DUSP16: variants seen among roughly 807,000 people sequenced by gnomAD.
DUSP16 encodes dual specificity protein phosphatase 16.
Under a neutral mutation model 58.3 loss-of-function variants are expected in DUSP16, and 21 were observed. The ratio of observed to expected loss-of-function variants is 0.36; its 90% CI spans 0.26 to 0.52. The LOEUF (loss-of-function observed/expected upper bound fraction) is 0.52, where lower values mean the gene tolerates loss of function less well. Among genes scored for constraint, DUSP16 ranks in the 20% least tolerant of loss-of-function variants. The pLI is 0.94. For missense variants in DUSP16, 726 were observed against 819.0 expected (o/e 0.89, Z 1.39); for synonymous variants, 320 against 323.8 (o/e 0.99, Z 0.12).
intron 1 of DUSP16, among the ~76,000 whole-genome samples, chr12:12,549,385 C>T (rs1413796274): frequency 1.3e-5 from 2 of 152,166 alleles, no homozygotes; most frequent in Admixed American, 6.5e-5. Flanking sequence ...CTTCCCTAGT[C>T]CCATTCTTCC....
chr12:12,562,392 C>T lies in DUSP16; in HGVS notation c.-641G>A, dbSNP rs1451320707. On this transcript the variant is annotated 5_prime_UTR_variant, in exon 1 of 7. Coordinates refer to ENST00000298573, the MANE Select transcript of DUSP16 (RefSeq NM_030640.3). ...TTCACTCTTTCTCTTCCACCCTCCC[C>T]CCCATCAGCCTTCAAAAAAAATGTC... 2 of 151,682 alleles carry T rather than the reference C, an allele frequency of 1.3e-5. No individual in the cohort carries two copies. The highest frequency in any genetic ancestry group is 2.9e-5 in the Non-Finnish European group (2 of 67,912). The allele number at this position is 151,682 out of a possible 1,614,324, so 9.4% of individuals were successfully genotyped here. A position where few individuals can be genotyped will look rare whatever the true frequency, so the allele number is the denominator to read the frequency against.
In DUSP16 at chr12:12,476,921, A is replaced by C. The variant is rs142544556; in HGVS notation, c.1910T>G (p.Met637Arg). The C allele has an allele frequency of 6.2e-7, 1 of 1,614,104 alleles. No homozygotes were observed. The highest frequency in any genetic ancestry group is 8.5e-7 in the Non-Finnish European group (1 of 1,180,050). The change falls in exon 7 of 7, where the codon ATG (methionine) becomes AGG (arginine). Residue 637 changes from methionine (M) to arginine (R), a missense_variant. Met to Arg is a moderately conservative substitution (Grantham distance 91). Transcript: ENST00000298573. The stretch of plus-strand genomic sequence containing the variant: ...CTCTTCCCGTGACCTGTTCTCTGAC[A>C]TGATGCTCTCTCCAAATTCCATTTG... ...SCQMEFGESI[M>R]SENRSREELG...
intron 4 of DUSP16, among the ~76,000 whole-genome samples, chr12:12,488,395 C>T (rs1259200169): frequency 6.6e-6 from 1 of 152,202 alleles, no homozygotes; most frequent in Non-Finnish European, 1.5e-5. Context: ...TAATTCTCAT[C>T]TCCCCTGTTA....
intron 4 of DUSP16, among the ~76,000 whole-genome samples, chr12:12,499,209 T>C (rs1234410999): frequency 6.6e-6 from 1 of 152,248 alleles, no homozygotes; most frequent in Non-Finnish European, 1.5e-5. Context: ...AGGAATTTTA[T>C]TTTATTTTCT....
chr12:12,483,111 A>G (rs1943605610), intron 5 of DUSP16, among the ~76,000 whole-genome samples: 1 of 152,236 alleles, frequency 6.6e-6, no homozygotes, highest in African/African-American at 2.4e-5. Flanking sequence ...GCAGGTGGCC[A>G]TTACCGCAAT....
At chr12:12,498,948 A>G (rs780880352) in intron 4 of DUSP16, among the ~76,000 whole-genome samples, 1 of 152,150 alleles carries the variant, frequency 6.6e-6, no homozygotes, top group Non-Finnish European at 1.5e-5. Context: ...TTAGTGCTGT[A>G]TATGTTTAGA....
chr12:12,529,876 TA>T (rs1944360575), intron 1 of DUSP16, among the ~76,000 whole-genome samples: 1 of 152,224 alleles, frequency 6.6e-6, no homozygotes, highest in Non-Finnish European at 1.5e-5. Flanking sequence ...CCTTATTTTT[TA>T]AGGCTGAATA....
At chr12:12,538,499 T>C (rs369506298) in intron 1 of DUSP16, among the ~76,000 whole-genome samples, 39 of 152,324 alleles carry the variant, frequency 2.6e-4, no homozygotes, top group African/African-American at 9.1e-4. Flanking sequence ...AGACAGAAAA[T>C]AGCTTCTAGG....
intron 1 of DUSP16, among the ~76,000 whole-genome samples, chr12:12,530,685 AT>A (rs1458032860): frequency 6.6e-6 from 1 of 152,226 alleles, no homozygotes; most frequent in Non-Finnish European, 1.5e-5. Context: ...TGGCAAAGAA[AT>A]GAAAAGAAAT....
At chr12:12,553,092 A>AT (rs1944757356) in intron 1 of DUSP16, among the ~76,000 whole-genome samples, 1 of 151,928 alleles carries the variant, frequency 6.6e-6, no homozygotes, top group South Asian at 2.1e-4. Context: ...AATGTTTGTT[A>AT]TTTTTTAAAT....
chr12:12,553,000 C>T (rs7954422), intron 1 of DUSP16, among the ~76,000 whole-genome samples: 35 of 152,190 alleles, frequency 2.3e-4, no homozygotes, highest in African/African-American at 7.5e-4. Flanking sequence ...AAGCTGGTCT[C>T]GAACTCCTGA....
At chr12:12,494,248 G>A (rs952758968) in intron 4 of DUSP16, among the ~76,000 whole-genome samples, 9 of 152,142 alleles carry the variant, frequency 5.9e-5, no homozygotes, top group Admixed American at 2.6e-4. Flanking sequence ...TTCATTAACA[G>A]AAGGTTTTCT....
chr12:12,556,250 C>T (rs186234797), intron 1 of DUSP16, among the ~76,000 whole-genome samples: 25 of 152,098 alleles, frequency 1.6e-4, no homozygotes, highest in African/African-American at 5.8e-4. Context: ...AAATCCTTTA[C>T]CTCAATTTCA....
intron 3 of DUSP16, among the ~76,000 whole-genome samples, chr12:12,510,220 T>G (rs1004492532): frequency 6.6e-6 from 1 of 152,144 alleles, no homozygotes; most frequent in African/African-American, 2.4e-5. Context: ...GAGGATGGTG[T>G]GGCTGCTGGA....
intron 1 of DUSP16, among the ~76,000 whole-genome samples, chr12:12,526,436 G>GT (rs1435692676): frequency 4.6e-5 from 7 of 152,238 alleles, no homozygotes; most frequent in Non-Finnish European, 8.8e-5. Flanking sequence ...CAAATACGGT[G>GT]TATCAATGAA....
In DUSP16 at chr12:12,477,728, G is replaced by C. The variant is rs757949409; in HGVS notation, c.1103C>G (p.Pro368Arg). The C allele has an allele frequency of 7.5e-6, 12 of 1,609,962 alleles. No homozygotes were observed. In the African/African-American group the frequency reaches 1.5e-4, roughly 20 times the overall value. ...CAGCGGGCTGTCCTCTAACAGCGAC[G>C]GCTGCACGCTGGGCACGCTGGGCAC... ...ASVPSVPSVQ[P>R]SLLEDSPLVQ... The change falls in exon 7 of 7, where the codon CCG (proline) becomes CGG (arginine). Residue 368 changes from proline to arginine, a missense_variant. Coordinates refer to ENST00000298573, the MANE Select transcript of DUSP16 (RefSeq NM_030640.3). The surrounding 1 kb of genome is among the most constrained non-coding windows in gnomAD (Gnocchi z 4.1).
chr12:12,542,837 C>A (rs970524118), intron 1 of DUSP16, among the ~76,000 whole-genome samples: 1 of 151,944 alleles, frequency 6.6e-6, no homozygotes, highest in Admixed American at 6.6e-5. Context: ...AAATTAAAAC[C>A]CTAAGTCCAT....
At chr12:12,544,120 T>C (rs1165339346) in intron 1 of DUSP16, among the ~76,000 whole-genome samples, 2 of 152,130 alleles carry the variant, frequency 1.3e-5, no homozygotes, top group East Asian at 1.9e-4. Flanking sequence ...AACCCACCTG[T>C]ACTCCAGAAG....
At position 12,475,859 on chromosome 12, in the gene DUSP16, T is replaced by C. The variant is rs1246186420; in HGVS notation, c.*974A>G. ...TTGGCTGAGAATTTGAAGGTGCTGC[T>C]GCTCTGCTACCAACCCAAATAAATT... On this transcript the variant is annotated 3_prime_UTR_variant, in exon 7 of 7. Transcript: ENST00000298573. 6.6e-6 allele frequency: 1 copy of C among 152,266 alleles called. No individual in the cohort carries two copies. Among genetic ancestry groups the C allele is most frequent in the Non-Finnish European group, 1.5e-5 (1 of 68,040 alleles). 9.4% of individuals were successfully genotyped at this position (152,266 alleles called of 1,614,324 possible).
Sources: allele counts gnomAD v4.1 joint callset (sites outside exome capture counted in the v4.1 genomes callset), GRCh38; gene constraint gnomAD v4.1.1; non-coding constraint Gnocchi (gnomAD v3.1); transcripts MANE v1.5; gene names NCBI Gene and HGNC (gene_info 2026-07-23, HGNC 2026-07-21).